GPR158: variants seen among roughly 807,000 people sequenced by gnomAD.
GPR158 encodes G protein-coupled receptor 158.
Under a neutral mutation model 78.2 loss-of-function variants are expected in GPR158, and 30 were observed. That is an observed-to-expected ratio of 0.38 (90% CI 0.29 to 0.52). The LOEUF (loss-of-function observed/expected upper bound fraction) is 0.52. Among genes scored for constraint, GPR158 ranks in the 20% least tolerant of loss-of-function variants. GPR158 has a pLI of 0.83. For synonymous variants in GPR158, 581 were observed against 591.1 expected (o/e 0.98, Z 0.25); for missense variants, 1,463 against 1,523.5 (o/e 0.96, Z 0.66).
intron 4 of GPR158, among the ~76,000 whole-genome samples, chr10:25,440,537 G>A (rs139890936): frequency 7.2e-5 from 11 of 152,270 alleles, no homozygotes; most frequent in African/African-American, 2.4e-4. Context: ...AAAAGGCGGA[G>A]TTAACATGAG....
rs142322203 is a variant in GPR158, at chr10:25,500,198, C to T, written c.1404+33479C>T. ...ACAGATGTGTGTTTGAATTCCTATC[C>T]TTTAACCTGGTAGTAATTTGAGCTT... On this transcript the variant is annotated intron_variant, in intron 5 of 10. Coordinates refer to ENST00000376351, the MANE Select transcript of GPR158 (RefSeq NM_020752.3). 9.1e-4 allele frequency among the ~76,000 whole-genome samples: 139 copies of T among 152,260 alleles called. 1 individual carries two copies. The highest frequency in any genetic ancestry group is 3.1e-3 in the African/African-American group (129 of 41,564).
chr10:25,423,256 A>G (rs1322282018), intron 4 of GPR158, among the ~76,000 whole-genome samples: 1 of 151,754 alleles, frequency 6.6e-6, no homozygotes, highest in East Asian at 1.9e-4. Flanking sequence ...GGCTGATTCC[A>G]TATTTTTGCA....
chr10:25,528,737 C>T (rs1932148), intron 5 of GPR158, among the ~76,000 whole-genome samples: 46,604 of 151,910 alleles, frequency 0.31, 8,075 homozygotes, highest in East Asian at 0.48. Context: ...AAAACCCCAG[C>T]GGGCTTTTCT....
intron 2 of GPR158, among the ~76,000 whole-genome samples, chr10:25,338,528 ACG>A (rs1412826383): frequency 9.6e-5 from 8 of 83,204 alleles, no homozygotes; most frequent in Non-Finnish European, 2.5e-4. Flanking sequence ...TACGTATATT[ACG>A]TATATTATAT....
At chr10:25,297,018 C>A (rs1326546520) in intron 2 of GPR158, among the ~76,000 whole-genome samples, 1 of 152,162 alleles carries the variant, frequency 6.6e-6, no homozygotes, top group East Asian at 1.9e-4. Flanking sequence ...ATTTTTGTGT[C>A]TGTGTCCTGC....
intron 1 of GPR158, among the ~76,000 whole-genome samples, chr10:25,185,488 T>C (rs1338011318): frequency 6.6e-6 from 1 of 152,190 alleles, no homozygotes; most frequent in Non-Finnish European, 1.5e-5. Context: ...CATGGTTAAA[T>C]GTTTAATATT....
At chr10:25,394,292 T>G (rs1834340484) in intron 2 of GPR158, among the ~76,000 whole-genome samples, 1 of 152,246 alleles carries the variant, frequency 6.6e-6, no homozygotes, top group Admixed American at 6.5e-5. Flanking sequence ...TCAGAGATGT[T>G]AAGAGAACAG....
chr10:25,378,009 T>G (rs1379467733), intron 2 of GPR158, among the ~76,000 whole-genome samples: 1 of 152,148 alleles, frequency 6.6e-6, no homozygotes, highest in Admixed American at 6.5e-5. Flanking sequence ...AGCATTCCAG[T>G]TTCTCTGTAT....
chr10:25,576,047 T>A (rs1348576705), intron 7 of GPR158, among the ~76,000 whole-genome samples: 1 of 143,932 alleles, frequency 6.9e-6, no homozygotes, highest in African/African-American at 2.5e-5. Context: ...CATTGAAGAA[T>A]TCTGTTGTTG....
intron 1 of GPR158, among the ~76,000 whole-genome samples, chr10:25,206,187 C>T (rs1339891961): frequency 1.3e-5 from 2 of 152,028 alleles, no homozygotes; most frequent in Non-Finnish European, 2.9e-5. Context: ...CGGGGTTTCA[C>T]CGTGTTAGCC....
At chr10:25,252,969 C>T (rs1465661878) in intron 2 of GPR158, among the ~76,000 whole-genome samples, 1 of 152,196 alleles carries the variant, frequency 6.6e-6, no homozygotes, top group Non-Finnish European at 1.5e-5. Flanking sequence ...CAGCGAGATT[C>T]CGTGGGCGTA....
chr10:25,373,047 C>CCT (rs1834022493), intron 2 of GPR158, among the ~76,000 whole-genome samples: 1 of 151,776 alleles, frequency 6.6e-6, no homozygotes, highest in Non-Finnish European at 1.5e-5. Flanking sequence ...ATGGAATCAA[C>CCT]CTAAATGCCC....
At chr10:25,457,536 A>G (rs1835307402) in intron 4 of GPR158, among the ~76,000 whole-genome samples, 1 of 152,154 alleles carries the variant, frequency 6.6e-6, no homozygotes, top group Admixed American at 6.5e-5. Flanking sequence ...TCACAAATAG[A>G]TTACAGAGAA....
intron 8 of GPR158, among the ~76,000 whole-genome samples, chr10:25,593,165 C>A (rs896606392): frequency 5.3e-5 from 8 of 151,894 alleles, no homozygotes; most frequent in African/African-American, 1.7e-4. Flanking sequence ...GAAAATAATT[C>A]TCCATTTTGG....
chr10:25,478,283 A>T (rs926015559), intron 5 of GPR158, among the ~76,000 whole-genome samples: 8 of 152,210 alleles, frequency 5.3e-5, no homozygotes, highest in African/African-American at 1.9e-4. Context: ...GTAAACACCT[A>T]TTAGAAAATG....
At chr10:25,389,222 T>C (rs569105918) in intron 2 of GPR158, among the ~76,000 whole-genome samples, 22 of 152,182 alleles carry the variant, frequency 1.4e-4, no homozygotes, top group Admixed American at 1.3e-3. Flanking sequence ...CCAATGGACA[T>C]GTACTTCCTC....
intron 2 of GPR158, among the ~76,000 whole-genome samples, chr10:25,357,040 G>C (rs1855564348): frequency 6.6e-6 from 1 of 152,070 alleles, no homozygotes; most frequent in Non-Finnish European, 1.5e-5. Context: ...AACTTGTTGG[G>C]AACTGGAGCA....
chr10:25,204,373 T>A (rs1000123414), intron 1 of GPR158, among the ~76,000 whole-genome samples: 1 of 152,204 alleles, frequency 6.6e-6, no homozygotes, highest in Non-Finnish European at 1.5e-5. Context: ...CCATTCAGTA[T>A]GATATTGGCT....
chr10:25,432,844 G>C (rs906578866), intron 4 of GPR158, among the ~76,000 whole-genome samples: 1 of 152,130 alleles, frequency 6.6e-6, no homozygotes, highest in Non-Finnish European at 1.5e-5. Context: ...CTGAGTGTCT[G>C]ATAATGAACA....
Sources: gnomAD v4.1 joint callset for allele counts (sites outside exome capture counted in the v4.1 genomes callset) on GRCh38, gnomAD v4.1.1 for gene constraint, MANE v1.5 for transcripts, NCBI Gene and HGNC (gene_info 2026-07-23, HGNC 2026-07-21) for gene names.